BRINP3: variants seen among roughly 807,000 people sequenced by gnomAD.
BRINP3 encodes BMP/retinoic acid inducible neural specific 3.
BRINP3 carries 19 observed loss-of-function variants against 71.0 expected under a neutral mutation model. That is an observed-to-expected ratio of 0.27 (90% CI 0.19 to 0.39). BRINP3 has a LOEUF of 0.39. Among genes scored for constraint, BRINP3 ranks in the 10% least tolerant of loss-of-function variants. The probability of loss-of-function intolerance (pLI) is 1.00; values close to 1 mark genes in which losing one functional copy is unlikely to be tolerated. For missense variants in BRINP3, 959 were observed against 940.8 expected, an observed-to-expected ratio of 1.02 and a Z score of -0.25; for synonymous variants, 380 against 337.7, an observed-to-expected ratio of 1.13 and a Z score of -1.37.
At position 190,264,858 on chromosome 1, in the gene BRINP3, T is replaced by A. The variant is rs1335876515; in HGVS notation, c.618+7A>T. ...AGGTGATAATTTTAGCGTAAACTCATTCTTACCTTTATGGCAGTGGATGCA... is the reference window on the plus strand; with the variant it reads ...AGGTGATAATTTTAGCGTAAACTCAATCTTACCTTTATGGCAGTGGATGCA... On this transcript the variant is annotated splice_region_variant and intron_variant, in intron 4 of 7. Coordinates refer to ENST00000367462, the MANE Select transcript of BRINP3 (RefSeq NM_199051.3). The A allele has an allele frequency of 1.9e-6, 3 of 1,611,694 alleles. No individual in the cohort carries two copies. Among genetic ancestry groups the A allele is most frequent in the Non-Finnish European group, 2.5e-6 (3 of 1,178,968 alleles).
intron 2 of BRINP3, among the ~76,000 whole-genome samples, chr1:190,289,456 T>C (rs1663687373): frequency 2.0e-5 from 3 of 152,080 alleles, no homozygotes; most frequent in East Asian, 1.9e-4. Context: ...AGACTGAATA[T>C]GGTACTTTGT....
intron 7 of BRINP3, among the ~76,000 whole-genome samples, chr1:190,144,267 A>G (rs1422841209): frequency 1.3e-5 from 2 of 152,132 alleles, no homozygotes; most frequent in Non-Finnish European, 2.9e-5. Context: ...AAATAATACA[A>G]TGGCATCCAT....
chr1:190,188,856 G>A (rs1208618041), intron 6 of BRINP3, among the ~76,000 whole-genome samples: 1 of 151,922 alleles, frequency 6.6e-6, no homozygotes, highest in African/African-American at 2.4e-5. Flanking sequence ...TGCCTCCTGG[G>A]TTCAAGCGAT....
At chr1:190,101,712 A>C (rs866778907) in intron 7 of BRINP3, among the ~76,000 whole-genome samples, 4 of 152,182 alleles carry the variant, frequency 2.6e-5, no homozygotes, top group African/African-American at 4.8e-5. Flanking sequence ...GAAACCAAAG[A>C]ATTAATTCCT....
At chr1:190,212,998 A>C (rs904618212) in intron 6 of BRINP3, among the ~76,000 whole-genome samples, 2 of 151,908 alleles carry the variant, frequency 1.3e-5, no homozygotes, top group Admixed American at 6.6e-5. Context: ...GAAAAGCAAA[A>C]CCCTACAGTT....
intron 2 of BRINP3, among the ~76,000 whole-genome samples, chr1:190,413,785 G>A (rs1179124908): frequency 6.6e-6 from 1 of 151,890 alleles, no homozygotes; most frequent in Non-Finnish European, 1.5e-5. Flanking sequence ...GCAGCTGAGA[G>A]AAACTAACAT....
chr1:190,127,732 A>C (rs576492359), intron 7 of BRINP3, among the ~76,000 whole-genome samples: 17 of 151,974 alleles, frequency 1.1e-4, no homozygotes, highest in African/African-American at 4.1e-4. Context: ...TGCCCTAGCA[A>C]TTATGGGTAT....
intron 4 of BRINP3, among the ~76,000 whole-genome samples, chr1:190,240,435 T>C (rs913221351): frequency 2.6e-5 from 4 of 152,094 alleles, no homozygotes; most frequent in African/African-American, 9.7e-5. Context: ...ATAGGTCTAC[T>C]TGCAAAAAAA....
chr1:190,357,990 ACC>A lies in BRINP3; in HGVS notation c.237-76242_237-76241del, dbSNP rs1267453334. Among the ~76,000 whole-genome samples the A allele has an allele frequency of 1.3e-3, 201 of 151,908 alleles. 1 individual carries two copies. The highest frequency in any genetic ancestry group is 4.6e-3 in the African/African-American group (189 of 41,236). ...AGCTGAAACTGGATCCCTTCCTTAC[ACC>A]TTATACAAAAATTAATTCAGGATGG... On this transcript the variant is annotated intron_variant, in intron 2 of 7. Coordinates refer to ENST00000367462, the MANE Select transcript of BRINP3 (RefSeq NM_199051.3).
chr1:190,166,886 G>A (rs889098418), intron 6 of BRINP3, among the ~76,000 whole-genome samples: 4 of 151,958 alleles, frequency 2.6e-5, no homozygotes, highest in Admixed American at 1.3e-4. Flanking sequence ...ACTACTTCCG[G>A]CTAGTTTTTT....
At chr1:190,380,633 T>C (rs1021054741) in intron 2 of BRINP3, among the ~76,000 whole-genome samples, 5 of 152,142 alleles carry the variant, frequency 3.3e-5, no homozygotes, top group Non-Finnish European at 7.4e-5. Flanking sequence ...ATTAGATCCA[T>C]TATGATCAGT....
At chr1:190,273,493 T>C (rs1662290464) in intron 3 of BRINP3, among the ~76,000 whole-genome samples, 1 of 151,610 alleles carries the variant, frequency 6.6e-6, no homozygotes, top group African/African-American at 2.4e-5. Context: ...GCAACTAAAA[T>C]TTTGTGGTGG....
At chr1:190,278,931 T>G (rs1662834199) in intron 3 of BRINP3, among the ~76,000 whole-genome samples, 2 of 151,536 alleles carry the variant, frequency 1.3e-5, no homozygotes. Context: ...ATCAACATAG[T>G]AAAACAATTA....
At chr1:190,331,675 A>G (rs1455757626) in intron 2 of BRINP3, among the ~76,000 whole-genome samples, 1 of 152,062 alleles carries the variant, frequency 6.6e-6, no homozygotes, top group Non-Finnish European at 1.5e-5. Context: ...TCCAGCTAGC[A>G]GAAATGGGAT....
chr1:190,206,472 T>A (rs940269945), intron 6 of BRINP3, among the ~76,000 whole-genome samples: 2 of 151,656 alleles, frequency 1.3e-5, no homozygotes, highest in Non-Finnish European at 2.9e-5. Flanking sequence ...AAGTGCAGCA[T>A]TAAGTTAGAA....
At chr1:190,254,411 A>G (rs978669180) in intron 4 of BRINP3, among the ~76,000 whole-genome samples, 2 of 151,918 alleles carry the variant, frequency 1.3e-5, no homozygotes, top group African/African-American at 2.4e-5. Flanking sequence ...ATGAGCATGG[A>G]ATGTTCTTCC....
chr1:190,406,576 T>C (rs1031046143), intron 2 of BRINP3, among the ~76,000 whole-genome samples: 2 of 152,202 alleles, frequency 1.3e-5, no homozygotes, highest in Non-Finnish European at 2.9e-5. Context: ...CTGAGATACA[T>C]TCTGTCCTGC....
intron 2 of BRINP3, among the ~76,000 whole-genome samples, chr1:190,379,510 T>C (rs993424296): frequency 1.3e-5 from 2 of 152,140 alleles, no homozygotes; most frequent in Non-Finnish European, 2.9e-5. Context: ...ATTTGAGGGC[T>C]GACCTAAAAG....
chr1:190,297,438 A>C (rs1664336798), intron 2 of BRINP3, among the ~76,000 whole-genome samples: 1 of 152,140 alleles, frequency 6.6e-6, no homozygotes, highest in Non-Finnish European at 1.5e-5. Flanking sequence ...AAAACTGTGG[A>C]GAGAAAAGCT....
Sources: gnomAD v4.1 joint callset for allele counts (sites outside exome capture counted in the v4.1 genomes callset) on GRCh38, gnomAD v4.1.1 for gene constraint, MANE v1.5 for transcripts, NCBI Gene and HGNC (gene_info 2026-07-23, HGNC 2026-07-21) for gene names.